Variants in CAMK2A observed in about 807,000 individuals in gnomAD.
The protein encoded by CAMK2A is calcium/calmodulin dependent protein kinase II alpha.
A neutral mutation model predicts 79.2 loss-of-function variants in CAMK2A; 7 were observed. The observed-to-expected ratio is 0.09, with a 90% CI of 0.05 to 0.17. CAMK2A has a LOEUF of 0.17. Among genes scored for constraint, CAMK2A ranks in the 10% least tolerant of loss-of-function variants. CAMK2A has a pLI of 1.00. For missense variants in CAMK2A, 214 were observed against 646.4 expected, an observed-to-expected ratio of 0.33 and a Z score of 7.25; for synonymous variants, 242 against 251.7, an observed-to-expected ratio of 0.96 and a Z score of 0.36.
At chr5:150,244,603 G>A (rs373792959) in intron 13 of CAMK2A, among the ~76,000 whole-genome samples, 3 of 152,230 alleles carry the variant, frequency 2.0e-5, no homozygotes, top group South Asian at 2.1e-4. Context: ...GGGTGGGACA[G>A]GGCAGGCCCT....
chr5:150,232,466 A>G (rs1309224704), intron 15 of CAMK2A, among the ~76,000 whole-genome samples: 2 of 152,162 alleles, frequency 1.3e-5, no homozygotes, highest in African/African-American at 4.8e-5. Flanking sequence ...CAATTCACAT[A>G]CAAGGTGACT....
chr5:150,222,404 AT>A lies in CAMK2A; in HGVS notation c.*305del. ...CATTCTAGCCTACAGCCCAAGACAG[AT>A]CAGGCGGACAGCAGCTGAGGCTGGG... On this transcript the variant is annotated 3_prime_UTR_variant, in exon 19 of 19. Coordinates refer to ENST00000671881, the MANE Select transcript of CAMK2A (RefSeq NM_015981.4). 1 of 669,118 alleles carries A rather than the reference AT, an allele frequency of 1.5e-6. No homozygotes were observed. Among genetic ancestry groups the A allele is most frequent in the Non-Finnish European group, 2.7e-6 (1 of 368,018 alleles). 41.4% of individuals were successfully genotyped at this position (669,118 alleles called of 1,614,324 possible). A position where few individuals can be genotyped will look rare whatever the true frequency, so the allele number is the denominator to read the frequency against.
At chr5:150,271,909 C>T (rs28719033) in intron 2 of CAMK2A, among the ~76,000 whole-genome samples, 7,843 of 152,286 alleles carry the variant, frequency 0.052, 628 homozygotes, top group African/African-American at 0.17. Context: ...GCTTTGCCTT[C>T]CTAACAAGCT....
intron 14 of CAMK2A, 92 bp from the exon 15 acceptor site, chr5:150,238,840 CT>C: frequency 1.8e-6 from 2 of 1,085,966 alleles, no homozygotes; most frequent in Non-Finnish European, 2.6e-6. Context: ...CGGCTGGTTT[CT>C]GTGAGCCTCA....
At chr5:150,266,120 G>A (rs367793600) in intron 2 of CAMK2A, among the ~76,000 whole-genome samples, 1 of 152,100 alleles carries the variant, frequency 6.6e-6, no homozygotes, top group Non-Finnish European at 1.5e-5. Context: ...ATCTGCAGGG[G>A]CCCACCCAGA....
chr5:150,224,356 C>G (rs1754492351), intron 17 of CAMK2A, among the ~76,000 whole-genome samples: 1 of 152,100 alleles, frequency 6.6e-6, no homozygotes. Flanking sequence ...CTTCCCCAAC[C>G]CCACCCTTAG....
chr5:150,241,347 CTCCTTCCTCTTTTCTTCCTCTCT>C, intron 13 of CAMK2A, among the ~76,000 whole-genome samples: 1 of 148,240 alleles, frequency 6.7e-6, no homozygotes, highest in Non-Finnish European at 1.5e-5. Context: ...CCTTCCTCTC[CTCCTTCCTCTTTTCTTCCTCTCT>C]TCCCCTGTCT....
intron 3 of CAMK2A, among the ~76,000 whole-genome samples, chr5:150,257,870 G>A (rs1332265872): frequency 2.6e-5 from 4 of 152,230 alleles, no homozygotes; most frequent in African/African-American, 7.2e-5. Context: ...AGAGTTTAGC[G>A]CCCTCCCCTC....
At chr5:150,261,229 C>T (rs1230670578) in intron 3 of CAMK2A, among the ~76,000 whole-genome samples, 1 of 152,226 alleles carries the variant, frequency 6.6e-6, no homozygotes, top group Non-Finnish European at 1.5e-5. Context: ...AATTCAGCCC[C>T]TACGTTTGCA....
At chr5:150,227,972 C>T (rs982703553) in intron 17 of CAMK2A, among the ~76,000 whole-genome samples, 2 of 152,128 alleles carry the variant, frequency 1.3e-5, no homozygotes, top group Non-Finnish European at 2.9e-5. Context: ...TCTGGGACCT[C>T]GCCTGCCCCA....
chr5:150,248,418 G>A (rs1410258511), intron 11 of CAMK2A, among the ~76,000 whole-genome samples: 1 of 150,152 alleles, frequency 6.7e-6, no homozygotes, highest in African/African-American at 2.5e-5. Context: ...CATGTGCCAC[G>A]TTGGTGTGCT....
rs551991956 is a variant in CAMK2A, at chr5:150,221,889, G to A, written c.*821C>T. 4.8e-5 allele frequency: 15 copies of A among 311,134 alleles called. No individual in the cohort carries two copies. The South Asian group carries it at 6.2e-4, about 13-fold the overall frequency. The allele number at this position is 311,134 out of a possible 1,614,324, so 19.3% of individuals were successfully genotyped here. ...ATCCATTAACGCGAAATCCATTTAC[G>A]AAATACACAGAAATTTGGCTATAAA... is the stretch of plus-strand genomic sequence containing the variant. On this transcript the variant is annotated 3_prime_UTR_variant, in exon 19 of 19. Transcript: ENST00000671881.
intron 3 of CAMK2A, among the ~76,000 whole-genome samples, chr5:150,259,225 A>AAAATG (rs1315157342): frequency 2.0e-5 from 3 of 151,862 alleles, no homozygotes; most frequent in African/African-American, 4.8e-5. Context: ...AAAATAAAAT[A>AAAATG]AAATAAAAAT....
chr5:150,243,802 C>T (rs4958456), intron 13 of CAMK2A, among the ~76,000 whole-genome samples: 20,691 of 152,128 alleles, frequency 0.14, 1,597 homozygotes, highest in East Asian at 0.35. Context: ...AATGAAGAAG[C>T]GCAGGCTCAG....
At chr5:150,253,371 G>C in intron 7 of CAMK2A, 73 bp downstream of exon 7, 2 of 1,218,560 alleles carry the variant, frequency 1.6e-6, no homozygotes, top group Non-Finnish European at 2.4e-6. Context: ...TCAGGCAGGG[G>C]GTTCCCAGAG....
At chr5:150,226,390 T>G (rs1414123058) in intron 17 of CAMK2A, among the ~76,000 whole-genome samples, 4 of 152,156 alleles carry the variant, frequency 2.6e-5, no homozygotes, top group Non-Finnish European at 4.4e-5. Context: ...GTCACTGAAG[T>G]ACCTTCTTTG....
At chr5:150,275,362 G>T (rs1313368067) in intron 1 of CAMK2A, among the ~76,000 whole-genome samples, 1 of 150,644 alleles carries the variant, frequency 6.6e-6, no homozygotes, top group African/African-American at 2.4e-5. Context: ...CCATGCTTCT[G>T]GCCACCAGCT....
rs17111082 is a variant in CAMK2A, at chr5:150,238,829, G to C, written c.1018-81C>G. On this transcript the variant is annotated intron_variant, in intron 14 of 18. Coordinates refer to ENST00000671881, the MANE Select transcript of CAMK2A (RefSeq NM_015981.4). ...GGCCAGGCCCTGGCTGCCTGGTGAC[G>C]CGGCTGGTTTCTGTGAGCCTCACAG... 24 of 1,256,274 alleles carry C rather than the reference G, an allele frequency of 1.9e-5. No individual in the cohort carries two copies. The African/African-American group carries it at 3.0e-4, about 16-fold the overall frequency. The allele number at this position is 1,256,274 out of a possible 1,614,324, so 77.8% of individuals were successfully genotyped here. A position where few individuals can be genotyped will look rare whatever the true frequency, so the allele number is the denominator to read the frequency against.
At position 150,223,230 on chromosome 5, in the gene CAMK2A, A is replaced by T. The variant is rs759433607; in HGVS notation, c.1238-13T>A. 1.0e-5 allele frequency: 16 copies of T among 1,607,720 alleles called. No individual in the cohort carries two copies. In the African/African-American group the frequency reaches 1.6e-4, roughly 16 times the overall value. On this transcript the variant is annotated splice_polypyrimidine_tract_variant and intron_variant, in intron 17 of 18. Coordinates refer to ENST00000671881, the MANE Select transcript of CAMK2A (RefSeq NM_015981.4). The surrounding 1 kb of genome is among the most constrained non-coding windows in gnomAD (Gnocchi z 4.1). ...TTCCGGGACCACACTGGAGGAGGGG[A>T]TGGGAGGGGCAGAGGAGATGCAACC...
Sources: allele counts gnomAD v4.1 joint callset (sites outside exome capture counted in the v4.1 genomes callset), GRCh38; gene constraint gnomAD v4.1.1; non-coding constraint Gnocchi (gnomAD v3.1); transcripts MANE v1.5; gene names NCBI Gene and HGNC (gene_info 2026-07-23, HGNC 2026-07-21).